Variants in RAB38 observed in about 807,000 individuals in gnomAD.
RAB38 encodes the protein ras-related protein Rab-38.
Under a neutral mutation model 18.4 loss-of-function variants are expected in RAB38, and 15 were observed. That is an observed-to-expected ratio of 0.82 (90% CI 0.55 to 1.26). RAB38 has a LOEUF of 1.26. Ranked by LOEUF, RAB38 falls within the 50% of genes most tolerant of loss-of-function variation. The pLI, the probability that RAB38 is intolerant of heterozygous loss-of-function variation, is 0.00. For synonymous variants in RAB38, 101 were observed against 104.4 expected (o/e 0.97, Z 0.20); for missense variants, 294 against 267.4 (o/e 1.10, Z -0.69).
the RAB38 span, among the ~76,000 whole-genome samples, chr11:88,011,761 C>T: frequency 6.6e-6 from 1 of 152,138 alleles, no homozygotes; most frequent in East Asian, 1.9e-4. Context: ...ATTTCATCCA[C>T]AGGGTAGAAA....
chr11:88,033,876 C>T, the RAB38 span, among the ~76,000 whole-genome samples: 23 of 151,906 alleles, frequency 1.5e-4, no homozygotes, highest in Non-Finnish European at 1.6e-4. Context: ...TACAGGCAGC[C>T]GCCACTATGC....
the RAB38 span, among the ~76,000 whole-genome samples, chr11:87,957,210 A>G: frequency 6.6e-5 from 10 of 152,226 alleles, no homozygotes; most frequent in African/African-American, 2.4e-4. Context: ...AGTTTCCTTA[A>G]AAGTTCTCTC....
intron 2 of RAB38, among the ~76,000 whole-genome samples, chr11:88,148,451 T>C (rs1211306920): frequency 1.3e-5 from 2 of 152,206 alleles, no homozygotes; most frequent in Admixed American, 1.3e-4. Context: ...TCTCATTATG[T>C]TCCCACAGAG....
At chr11:87,870,662 A>G in the RAB38 span, among the ~76,000 whole-genome samples, 1 of 151,628 alleles carries the variant, frequency 6.6e-6, no homozygotes, top group African/African-American at 2.4e-5. Context: ...CATAAATTGG[A>G]GCAGGAAAGT....
the RAB38 span, among the ~76,000 whole-genome samples, chr11:88,049,107 C>T: frequency 6.6e-6 from 1 of 152,168 alleles, no homozygotes; most frequent in Non-Finnish European, 1.5e-5. Flanking sequence ...CCTAATCCCG[C>T]TTGAAGCAGC....
the RAB38 span, among the ~76,000 whole-genome samples, chr11:87,878,044 G>A: frequency 6.6e-6 from 1 of 150,610 alleles, no homozygotes; most frequent in Non-Finnish European, 1.5e-5. Flanking sequence ...ACTGAGCCTT[G>A]AGCCAGAGAG....
At chr11:87,863,085 T>C in the RAB38 span, among the ~76,000 whole-genome samples, 1 of 151,832 alleles carries the variant, frequency 6.6e-6, no homozygotes, top group Non-Finnish European at 1.5e-5. Context: ...AAATGTTTAA[T>C]GTTGATGGGT....
the RAB38 span, among the ~76,000 whole-genome samples, chr11:87,972,022 A>C: frequency 6.6e-6 from 1 of 151,854 alleles, no homozygotes; most frequent in Non-Finnish European, 1.5e-5. Flanking sequence ...ACAGTTGTTG[A>C]TGTAGCTGTA....
At chr11:87,935,841 T>C in the RAB38 span, among the ~76,000 whole-genome samples, 1 of 152,154 alleles carries the variant, frequency 6.6e-6, no homozygotes, top group African/African-American at 2.4e-5. Context: ...TGAAACATTA[T>C]GCACTCCACT....
intron 2 of RAB38, among the ~76,000 whole-genome samples, chr11:88,127,744 C>T (rs1942717769): frequency 6.6e-6 from 1 of 152,126 alleles, no homozygotes; most frequent in Non-Finnish European, 1.5e-5. Flanking sequence ...AGGTATTATC[C>T]TCTCTGATAG....
At chr11:88,102,417 C>T in the RAB38 span, among the ~76,000 whole-genome samples, 1 of 151,992 alleles carries the variant, frequency 6.6e-6, no homozygotes, top group Non-Finnish European at 1.5e-5. Flanking sequence ...TTCATGTCGA[C>T]ATTCCAAAGG....
At chr11:88,026,600 A>T in the RAB38 span, among the ~76,000 whole-genome samples, 1 of 149,896 alleles carries the variant, frequency 6.7e-6, no homozygotes, top group Non-Finnish European at 1.5e-5. Flanking sequence ...AAAAGAAATG[A>T]AACTCCTGAC....
At chr11:87,905,398 T>G in the RAB38 span, among the ~76,000 whole-genome samples, 3 of 151,798 alleles carry the variant, frequency 2.0e-5, no homozygotes, top group African/African-American at 7.2e-5. Flanking sequence ...TATATTCCTG[T>G]GTCTTTGCGT....
At chr11:88,045,996 C>G in the RAB38 span, among the ~76,000 whole-genome samples, 2 of 152,138 alleles carry the variant, frequency 1.3e-5, no homozygotes, top group Admixed American at 1.3e-4. Flanking sequence ...TCCTGGGCTA[C>G]AGCCACACCT....
At chr11:88,024,525 G>T in the RAB38 span, among the ~76,000 whole-genome samples, 1 of 152,096 alleles carries the variant, frequency 6.6e-6, no homozygotes, top group Non-Finnish European at 1.5e-5. Flanking sequence ...CAGCAATTCC[G>T]TTGCTGGGTA....
chr11:87,947,615 A>C, the RAB38 span, among the ~76,000 whole-genome samples: 1 of 152,154 alleles, frequency 6.6e-6, no homozygotes, highest in African/African-American at 2.4e-5. Flanking sequence ...ATGGCTAGCC[A>C]GTTTTCCCAG....
At chr11:88,173,178 T>A (rs557567401) in intron 1 of RAB38, among the ~76,000 whole-genome samples, 15 of 152,300 alleles carry the variant, frequency 9.8e-5, no homozygotes, top group African/African-American at 3.4e-4. Context: ...AATATTGGGA[T>A]CACAATTTAT....
At chr11:88,022,497 G>A in the RAB38 span, among the ~76,000 whole-genome samples, 1 of 148,664 alleles carries the variant, frequency 6.7e-6, no homozygotes, top group Admixed American at 6.8e-5. Flanking sequence ...ATTCTAGCTA[G>A]AGCAATCACA....
At chr11:87,913,688 A>G in the RAB38 span, among the ~76,000 whole-genome samples, 1 of 152,096 alleles carries the variant, frequency 6.6e-6, no homozygotes, top group South Asian at 2.1e-4. Flanking sequence ...TTCTCACGGT[A>G]GTCTCTTGCA....
Sources: allele counts gnomAD v4.1 joint callset (sites outside exome capture counted in the v4.1 genomes callset), GRCh38; gene constraint gnomAD v4.1.1; transcripts MANE v1.5; gene names NCBI Gene and HGNC (gene_info 2026-07-23, HGNC 2026-07-21).